The following ANK2 variants were observed in gnomAD, a reference collection of about 807,000 sequenced individuals.
ANK2 encodes ankyrin 2.
In ANK2, 83 loss-of-function variants were observed where a neutral mutation model predicts 360.5. The observed-to-expected ratio is 0.23, with a 90% CI of 0.19 to 0.28. ANK2 has a LOEUF of 0.28. Ranked by LOEUF, ANK2 falls within the 10% of genes least tolerant of loss-of-function variation. The probability of loss-of-function intolerance (pLI) is 1.00; values close to 1 mark genes in which losing one functional copy is unlikely to be tolerated. For synonymous variants in ANK2, 1,740 were observed against 1,759.5 expected (o/e 0.99, Z 0.28); for missense variants, 4,201 against 4,795.7 (o/e 0.88, Z 3.66).
intron 2 of ANK2, among the ~76,000 whole-genome samples, chr4:112,987,256 CT>C (rs2045235836): frequency 6.6e-6 from 1 of 152,190 alleles, no homozygotes; most frequent in South Asian, 2.1e-4. Flanking sequence ...TACCCCAGAG[CT>C]TCCTCAGTGG....
At chr4:112,807,179 A>G in the ANK2 span, among the ~76,000 whole-genome samples, 1 of 152,052 alleles carries the variant, frequency 6.6e-6, no homozygotes. Flanking sequence ...GTCTCTAGGC[A>G]CACTGTGCTG....
At chr4:112,783,711 G>A in the ANK2 span, among the ~76,000 whole-genome samples, 1 of 151,180 alleles carries the variant, frequency 6.6e-6, no homozygotes, top group Non-Finnish European at 1.5e-5. Context: ...GAATGCAGTG[G>A]CGCGATCGGC....
chr4:112,932,681 C>G (rs1434582234), intron 2 of ANK2, among the ~76,000 whole-genome samples: 1 of 151,686 alleles, frequency 6.6e-6, no homozygotes. Flanking sequence ...GAGTCTTTAT[C>G]TTAAAAATAC....
intron 1 of ANK2, among the ~76,000 whole-genome samples, chr4:113,156,376 T>TTTTTTTTTTTTTTTC (rs1277048467): frequency 6.9e-6 from 1 of 145,866 alleles, no homozygotes. Context: ...AAATTCTTTT[T>TTTTTTTTTTTTTTTC]TTTTTGTTTT....
At chr4:112,996,468 A>G (rs1205140320) in intron 2 of ANK2, among the ~76,000 whole-genome samples, 1 of 152,244 alleles carries the variant, frequency 6.6e-6, no homozygotes, top group African/African-American at 2.4e-5. Context: ...CGTTTTGCAC[A>G]TAAAACATTT....
chr4:112,956,522 T>C (rs1457435604), intron 2 of ANK2, among the ~76,000 whole-genome samples: 1 of 152,242 alleles, frequency 6.6e-6, no homozygotes, highest in Non-Finnish European at 1.5e-5. Context: ...GTCGATCTGA[T>C]AATGGAGAAG....
chr4:113,356,296 C>A lies in ANK2; in HGVS notation c.7678C>A (p.Pro2560Thr). ...VTPKTTDVST[P>T]KPAVIHECAE... ...ACCCAAAACCACAGATGTAAGTACA[C>A]CAAAACCAGCTGTGATTCATGAATG... The change falls in exon 38 of 46, where the codon CCA becomes ACA. Residue 2560 changes from proline to threonine, a missense_variant. Physicochemically the swap from Pro to Thr is conservative, Grantham distance 38 (BLOSUM62 -1). Transcript: ENST00000357077. The A allele has an allele frequency of 6.2e-7, 1 of 1,614,084 alleles. No homozygotes were observed. Among genetic ancestry groups the A allele is most frequent in the Non-Finnish European group, 8.5e-7 (1 of 1,179,998 alleles).
the ANK2 span, among the ~76,000 whole-genome samples, chr4:112,726,707 C>T: frequency 4.6e-5 from 7 of 151,692 alleles, no homozygotes; most frequent in African/African-American, 9.7e-5. Flanking sequence ...AAAAATTAGC[C>T]GGGTGTAGTG....
At chr4:113,176,580 A>G (rs2098211785) in intron 2 of ANK2, among the ~76,000 whole-genome samples, 1 of 152,076 alleles carries the variant, frequency 6.6e-6, no homozygotes, top group South Asian at 2.1e-4. Flanking sequence ...TCTATAAAAT[A>G]CTTATGAAGT....
chr4:112,863,651 T>G (rs1012268290), intron 1 of ANK2, among the ~76,000 whole-genome samples: 1 of 151,370 alleles, frequency 6.6e-6, no homozygotes, highest in Admixed American at 6.6e-5. Flanking sequence ...GCCTCCCTAG[T>G]AGCCGGGACT....
chr4:113,121,588 G>A (rs1032105844), intron 1 of ANK2, among the ~76,000 whole-genome samples: 2 of 152,030 alleles, frequency 1.3e-5, no homozygotes, highest in African/African-American at 2.4e-5. Flanking sequence ...TCAAATTGAG[G>A]TCAATTACTG....
chr4:113,196,795 G>C (rs2098754326), intron 3 of ANK2, among the ~76,000 whole-genome samples: 2 of 152,152 alleles, frequency 1.3e-5, no homozygotes, highest in Admixed American at 6.5e-5. Flanking sequence ...GGGATTATAG[G>C]CGTGAACCAC....
At chr4:112,992,204 C>G (rs550586188) in intron 2 of ANK2, among the ~76,000 whole-genome samples, 1 of 151,274 alleles carries the variant, frequency 6.6e-6, no homozygotes, top group South Asian at 2.1e-4. Flanking sequence ...AGTACAGTGG[C>G]GTGATCTCAG....
intron 2 of ANK2, among the ~76,000 whole-genome samples, chr4:112,969,690 G>A (rs1467337310): frequency 6.6e-6 from 1 of 152,178 alleles, no homozygotes; most frequent in African/African-American, 2.4e-5. Flanking sequence ...AGGATATCTT[G>A]TTTATAGAAT....
chr4:112,975,644 A>T (rs950642551), intron 2 of ANK2, among the ~76,000 whole-genome samples: 2 of 152,178 alleles, frequency 1.3e-5, no homozygotes, highest in Non-Finnish European at 2.9e-5. Flanking sequence ...TTCTTCTATA[A>T]ATAAGATGCA....
intron 1 of ANK2, among the ~76,000 whole-genome samples, chr4:112,829,523 A>C (rs2059241379): frequency 1.3e-5 from 2 of 150,488 alleles, no homozygotes; most frequent in Non-Finnish European, 2.9e-5. Context: ...AAGGGCAAAG[A>C]CATGGAGAGA....
At chr4:113,215,819 A>C (rs2099079120) in intron 4 of ANK2, among the ~76,000 whole-genome samples, 1 of 151,942 alleles carries the variant, frequency 6.6e-6, no homozygotes, top group Non-Finnish European at 1.5e-5. Context: ...AAACAAAAAA[A>C]CCCACTTTTT....
At chr4:113,086,699 T>C (rs532044372) in intron 1 of ANK2, among the ~76,000 whole-genome samples, 2 of 152,246 alleles carry the variant, frequency 1.3e-5, no homozygotes, top group South Asian at 4.1e-4. Flanking sequence ...CAGAGAGTGA[T>C]GGGGGGCTCT....
intron 18 of ANK2, among the ~76,000 whole-genome samples, chr4:113,286,093 A>C (rs571514698): frequency 1.3e-5 from 2 of 152,342 alleles, no homozygotes; most frequent in Non-Finnish European, 2.9e-5. Context: ...ACACATATTT[A>C]AAAGTCATCA....
Sources: gnomAD v4.1 joint callset for allele counts (sites outside exome capture counted in the v4.1 genomes callset) on GRCh38, gnomAD v4.1.1 for gene constraint, MANE v1.5 for transcripts, NCBI Gene and HGNC (gene_info 2026-07-23, HGNC 2026-07-21) for gene names.